DAPL1: variants seen among roughly 807,000 people sequenced by gnomAD.
DAPL1 encodes the protein death-associated protein-like 1.
DAPL1 carries 17 observed loss-of-function variants against 12.9 expected under a neutral mutation model. The ratio of observed to expected loss-of-function variants is 1.32; its 90% CI spans 0.90 to 1.98. DAPL1 has a LOEUF of 1.98. Ranked by LOEUF, DAPL1 falls within the 30% of genes most tolerant of loss-of-function variation. The probability of loss-of-function intolerance (pLI) is 0.00; values close to 1 mark genes in which losing one functional copy is unlikely to be tolerated. For missense variants in DAPL1, 157 were observed against 125.7 expected, an observed-to-expected ratio of 1.25 and a Z score of -1.19; for synonymous variants, 51 against 42.0, an observed-to-expected ratio of 1.21 and a Z score of -0.82.
chr2:158,802,727 G>T (rs993507412), intron 1 of DAPL1, among the ~76,000 whole-genome samples: 33 of 152,336 alleles, frequency 2.2e-4, no homozygotes, highest in Admixed American at 1.8e-3. Flanking sequence ...ACCCTACTCT[G>T]TAATGGAATT....
intron 3 of DAPL1, among the ~76,000 whole-genome samples, chr2:158,810,025 G>A (rs1055779344): frequency 2.0e-5 from 3 of 152,152 alleles, no homozygotes; most frequent in Admixed American, 6.5e-5. Flanking sequence ...GGGGAATGAT[G>A]GGATGGTTAC....
intron 3 of DAPL1, among the ~76,000 whole-genome samples, chr2:158,812,627 C>G (rs918376782): frequency 2.6e-5 from 4 of 151,960 alleles, no homozygotes; most frequent in African/African-American, 9.7e-5. Context: ...GACCTTGTGT[C>G]TACTAAAAAT....
intron 3 of DAPL1, among the ~76,000 whole-genome samples, chr2:158,808,819 T>C (rs1048827730): frequency 1.3e-5 from 2 of 152,210 alleles, no homozygotes; most frequent in African/African-American, 4.8e-5. Flanking sequence ...CCCTAAAATA[T>C]TTGTTAACTC....
intron 3 of DAPL1, 104 bp downstream of exon 3, chr2:158,807,219 A>C: frequency 1.4e-6 from 1 of 693,044 alleles, no homozygotes; most frequent in South Asian, 2.9e-5. Flanking sequence ...TCCAACCCAG[A>C]GGTTTGAGGT....
intron 1 of DAPL1, among the ~76,000 whole-genome samples, chr2:158,796,614 A>C (rs1051030592): frequency 6.6e-6 from 1 of 152,228 alleles, no homozygotes; most frequent in Non-Finnish European, 1.5e-5. Context: ...TACATAGACA[A>C]AGACAAAAGA....
At chr2:158,808,918 G>C (rs1227332806) in intron 3 of DAPL1, among the ~76,000 whole-genome samples, 2 of 152,168 alleles carry the variant, frequency 1.3e-5, no homozygotes, top group African/African-American at 4.8e-5. Flanking sequence ...TGTTCTTATA[G>C]ACATGTGATA....
At chr2:158,808,503 A>G (rs1347136779) in intron 3 of DAPL1, among the ~76,000 whole-genome samples, 1 of 152,188 alleles carries the variant, frequency 6.6e-6, no homozygotes, top group African/African-American at 2.4e-5. Flanking sequence ...GTGAAATAAG[A>G]CAGTATATCT....
In DAPL1 at chr2:158,795,399, C is replaced by T. The variant is rs1409399559; in HGVS notation, c.27C>T (p.Leu9=). 1.3e-6 allele frequency: 2 copies of T among 1,555,950 alleles called. No individual in the cohort carries two copies. Among genetic ancestry groups the T allele is most frequent in the African/African-American group, 1.4e-5 (1 of 73,346 alleles). The change falls in exon 1 of 4, where the codon CTC becomes CTT. Residue 9 remains leucine (L), a synonymous_variant. Transcript: ENST00000309950. ...TGGCAAATGAAGTGCAAGACCTGCTCTCCCCTCGGAAAGGGGGACATCCTC... is the reference window on the plus strand; with the variant it reads ...TGGCAAATGAAGTGCAAGACCTGCTTTCCCCTCGGAAAGGGGGACATCCTC... MANEVQDL[L]SPRKGGHPPA... is the part of the protein sequence containing the mutation.
intron 1 of DAPL1, among the ~76,000 whole-genome samples, chr2:158,799,723 T>C (rs1215013094): frequency 1.3e-5 from 2 of 152,194 alleles, no homozygotes; most frequent in African/African-American, 4.8e-5. Flanking sequence ...ACAAGAACTC[T>C]GTTCTGGAAA....
chr2:158,814,843 G>A (rs1399732049), intron 3 of DAPL1, among the ~76,000 whole-genome samples: 1 of 152,160 alleles, frequency 6.6e-6, no homozygotes, highest in Non-Finnish European at 1.5e-5. Context: ...GCTGGCCAAG[G>A]GAGGTTTCTT....
intron 1 of DAPL1, among the ~76,000 whole-genome samples, chr2:158,801,136 C>T (rs994735245): frequency 2.0e-5 from 3 of 152,208 alleles, no homozygotes; most frequent in Non-Finnish European, 4.4e-5. Flanking sequence ...AGCCATCGCG[C>T]CCAGCCAGTT....
At chr2:158,809,437 G>A (rs2105154913) in intron 3 of DAPL1, among the ~76,000 whole-genome samples, 1 of 152,132 alleles carries the variant, frequency 6.6e-6, no homozygotes, top group Non-Finnish European at 1.5e-5. Context: ...AGTGTTTAGT[G>A]GAGTAGGACT....
intron 3 of DAPL1, among the ~76,000 whole-genome samples, chr2:158,815,240 A>G (rs1421137910): frequency 6.6e-6 from 1 of 152,242 alleles, no homozygotes; most frequent in African/African-American, 2.4e-5. Flanking sequence ...CTGAAAAAAT[A>G]GCAAATGTAC....
chr2:158,811,965 C>T (rs1006758826), intron 3 of DAPL1, among the ~76,000 whole-genome samples: 3 of 152,130 alleles, frequency 2.0e-5, no homozygotes, highest in Non-Finnish European at 4.4e-5. Context: ...AGAATTAGTA[C>T]ATTTAGGAGC....
chr2:158,815,899 A>G lies in DAPL1; in HGVS notation c.*78A>G. The stretch of plus-strand genomic sequence containing the variant: ...TTAGCAAAAAGGGCCAAAGCTTTCC[A>G]TAGGCGTGCTGCACTTGCTTGGTAA... On this transcript the variant is annotated 3_prime_UTR_variant, in exon 4 of 4. Transcript: ENST00000309950. The G allele has an allele frequency of 1.0e-6, 1 of 992,366 alleles. No homozygotes were observed. Among genetic ancestry groups the G allele is most frequent in the South Asian group, 1.3e-5 (1 of 77,348 alleles). 61.5% of individuals were successfully genotyped at this position (992,366 alleles called of 1,614,324 possible).
intron 3 of DAPL1, among the ~76,000 whole-genome samples, chr2:158,810,480 C>A (rs562641480): frequency 6.6e-6 from 1 of 152,328 alleles, no homozygotes; most frequent in South Asian, 2.1e-4. Flanking sequence ...ACTCATCAAC[C>A]ATTCAACCAT....
At chr2:158,797,661 T>C (rs2059142008) in intron 1 of DAPL1, among the ~76,000 whole-genome samples, 1 of 151,944 alleles carries the variant, frequency 6.6e-6, no homozygotes, top group Admixed American at 6.6e-5. Flanking sequence ...GCGTGGGGCA[T>C]GTGCCTGTAA....
At position 158,804,355 on chromosome 2, in the gene DAPL1, A is replaced by G; in HGVS notation, c.132A>G (p.Gly44=). The change falls in exon 2 of 4, where the codon GGA becomes GGG. Residue 44 remains glycine (G), a synonymous_variant. Coordinates refer to ENST00000309950, the MANE Select transcript of DAPL1 (RefSeq NM_001017920.3). ...GTLERHTKKT[G]FEKTSAIANV... is the part of the protein sequence containing the mutation. ...TGGAAAGACATACCAAAAAAACAGG[A>G]TTCGAGAAAACAAGGTAGGGACTCT... 1 of 1,610,268 alleles carries G rather than the reference A, an allele frequency of 6.2e-7. No homozygotes were observed.
chr2:158,808,856 C>A (rs2059215553), intron 3 of DAPL1, among the ~76,000 whole-genome samples: 1 of 152,126 alleles, frequency 6.6e-6, no homozygotes. Context: ...AAGGAATGGT[C>A]AATAAAGGTT....
Sources: allele counts gnomAD v4.1 joint callset (sites outside exome capture counted in the v4.1 genomes callset), GRCh38; gene constraint gnomAD v4.1.1; transcripts MANE v1.5; gene names NCBI Gene and HGNC (gene_info 2026-07-23, HGNC 2026-07-21).